PPARGC1A: variants seen among roughly 807,000 people sequenced by gnomAD.
PPARGC1A encodes peroxisome proliferator-activated receptor gamma coactivator 1-alpha.
In PPARGC1A, 25 loss-of-function variants were observed where a neutral mutation model predicts 88.7. The ratio of observed to expected loss-of-function variants is 0.28; its 90% confidence interval spans 0.21 to 0.39. PPARGC1A has a LOEUF of 0.39. Among genes scored for constraint, PPARGC1A ranks in the 10% least tolerant of loss-of-function variants. PPARGC1A has a pLI of 1.00. For missense variants in PPARGC1A, 880 were observed against 968.7 expected (o/e 0.91, Z 1.22); for synonymous variants, 363 against 355.6 (o/e 1.02, Z -0.24).
At position 23,868,657 on chromosome 4, in the gene PPARGC1A, C is replaced by T. The variant is rs568250372; in HGVS notation, c.234+16095G>A. 3.9e-5 allele frequency among the ~76,000 whole-genome samples: 6 copies of T among 152,308 alleles called. No individual in the cohort carries two copies. In the South Asian group the frequency reaches 1.2e-3, roughly 32 times the overall value. ...AAGGCCTTAACGAAAGAAAAAGATG[C>T]TCTTTTGCACATGTGACAACAAAAA... On this transcript the variant is annotated intron_variant, in intron 2 of 12. Transcript: ENST00000264867.
At chr4:24,380,433 T>C in the PPARGC1A span, among the ~76,000 whole-genome samples, 3 of 152,204 alleles carry the variant, frequency 2.0e-5, no homozygotes, top group African/African-American at 7.2e-5. Context: ...AGATGGCACA[T>C]GCCAGATTAT....
the PPARGC1A span, among the ~76,000 whole-genome samples, chr4:24,371,088 T>C: frequency 7.2e-5 from 11 of 152,272 alleles, 1 homozygote; most frequent in African/African-American, 2.4e-4. Flanking sequence ...GCTTCATCTA[T>C]GTCCCCCACA....
At position 23,831,615 on chromosome 4, in the gene PPARGC1A, C is replaced by T; in HGVS notation, c.371G>A (p.Ser124Asn). The T allele has an allele frequency of 2.5e-6, 4 of 1,614,130 alleles. No homozygotes were observed. Among genetic ancestry groups the T allele is most frequent in the Non-Finnish European group, 3.4e-6 (4 of 1,180,012 alleles). ...DGDVTTDNEA[S>N]PSSMPDGTPP... The stretch of plus-strand genomic sequence containing the variant: ...GGTGCCGTCAGGCATGGAGGAAGGA[C>T]TAGCCTCATTGTCAGTGGTCACGTC... Residue 124 changes from serine (S) to asparagine (N), a missense_variant, in exon 3 of 13, where the codon AGT becomes AAT. By Grantham distance (46) the Ser-to-Asn change is conservative. Coordinates refer to ENST00000264867, the MANE Select transcript of PPARGC1A (RefSeq NM_013261.5).
chr4:23,945,792 C>T, the PPARGC1A span, among the ~76,000 whole-genome samples: 1 of 152,122 alleles, frequency 6.6e-6, no homozygotes, highest in Non-Finnish European at 1.5e-5. Flanking sequence ...AAAGCCCTCA[C>T]CAAACCTTGG....
chr4:24,201,469 G>A, the PPARGC1A span, among the ~76,000 whole-genome samples: 19,295 of 152,102 alleles, frequency 0.13, 2,187 homozygotes, highest in African/African-American at 0.3. Context: ...TGATTATTGC[G>A]GCTACTCCCC....
At chr4:24,454,712 T>A in the PPARGC1A span, among the ~76,000 whole-genome samples, 1 of 150,962 alleles carries the variant, frequency 6.6e-6, no homozygotes, top group East Asian at 1.9e-4. Flanking sequence ...CACTCCTAGC[T>A]GGGTGATAGA....
the PPARGC1A span, among the ~76,000 whole-genome samples, chr4:24,278,055 G>A: frequency 6.6e-6 from 1 of 152,056 alleles, no homozygotes; most frequent in East Asian, 1.9e-4. Context: ...CATGCTTGTA[G>A]TCCCAGCTAC....
chr4:24,409,138 G>GT, the PPARGC1A span, among the ~76,000 whole-genome samples: 6 of 152,084 alleles, frequency 3.9e-5, no homozygotes, highest in Admixed American at 3.9e-4. Context: ...ATAAAAAGTT[G>GT]TTTTTTTAAG....
the PPARGC1A span, among the ~76,000 whole-genome samples, chr4:24,471,926 G>T: frequency 1.3e-5 from 2 of 152,212 alleles, no homozygotes; most frequent in Admixed American, 6.5e-5. The surrounding 1 kb of genome is among the most constrained non-coding windows in gnomAD (Gnocchi z 5.4). Flanking sequence ...GTGGAGGGGG[G>T]ACAGCACGTC....
the PPARGC1A span, among the ~76,000 whole-genome samples, chr4:23,944,056 G>A: frequency 1.3e-5 from 2 of 152,184 alleles, no homozygotes; most frequent in East Asian, 1.9e-4. Flanking sequence ...ATAGAAAAAG[G>A]ACATTATAGA....
intron 1 of PPARGC1A, among the ~76,000 whole-genome samples, chr4:23,886,867 AAAAAAAAC>A (rs1235975838): frequency 6.7e-4 from 101 of 151,708 alleles, no homozygotes; most frequent in African/African-American, 2.2e-3. Context: ...AAAAAAAAAA[AAAAAAAAC>A]ATGAACAACA....
the PPARGC1A span, among the ~76,000 whole-genome samples, chr4:23,972,567 T>C: frequency 2.0e-5 from 3 of 152,196 alleles, no homozygotes; most frequent in Non-Finnish European, 4.4e-5. Flanking sequence ...TAAACTAGTA[T>C]CTCTTCAAGT....
the PPARGC1A span, among the ~76,000 whole-genome samples, chr4:23,927,956 T>G: frequency 6.6e-6 from 1 of 152,140 alleles, no homozygotes. Flanking sequence ...ATCTTTTGGT[T>G]ACTAGATCGT....
the PPARGC1A span, among the ~76,000 whole-genome samples, chr4:24,351,824 T>TG: frequency 3.3e-5 from 5 of 152,142 alleles, no homozygotes; most frequent in Middle Eastern, 3.2e-3. Flanking sequence ...TTTGTTTTTT[T>TG]GTTTTTTTTT....
the PPARGC1A span, among the ~76,000 whole-genome samples, chr4:24,321,849 A>T: frequency 2.0e-5 from 3 of 152,252 alleles, no homozygotes; most frequent in Non-Finnish European, 4.4e-5. Flanking sequence ...ACTCAGCAGG[A>T]TGCCTATTAG....
chr4:23,860,310 C>T (rs1731014408), intron 2 of PPARGC1A, among the ~76,000 whole-genome samples: 1 of 110,546 alleles, frequency 9.0e-6, no homozygotes, highest in Non-Finnish European at 1.7e-5. Flanking sequence ...TGATGGTTAC[C>T]AGGGGTGGGG....
At chr4:23,830,663 T>A (rs1267517292) in intron 3 of PPARGC1A, among the ~76,000 whole-genome samples, 1 of 152,218 alleles carries the variant, frequency 6.6e-6, no homozygotes, top group Non-Finnish European at 1.5e-5. Flanking sequence ...CTAAATGGCA[T>A]GCCAAACACG....
the PPARGC1A span, among the ~76,000 whole-genome samples, chr4:24,183,809 A>G: frequency 6.6e-6 from 1 of 152,314 alleles, no homozygotes; most frequent in East Asian, 1.9e-4. Context: ...TTCCTCACGG[A>G]AATTTTTTTT....
chr4:24,456,994 G>A, the PPARGC1A span, among the ~76,000 whole-genome samples: 12 of 152,196 alleles, frequency 7.9e-5, no homozygotes, highest in Non-Finnish European at 1.6e-4. Flanking sequence ...AAGAGGACAT[G>A]AGCCAAGGGA....
Sources: gnomAD v4.1 joint callset for allele counts (sites outside exome capture counted in the v4.1 genomes callset) on GRCh38, gnomAD v4.1.1 for gene constraint, Gnocchi (gnomAD v3.1) non-coding constraint, MANE v1.5 for transcripts, NCBI Gene and HGNC (gene_info 2026-07-23, HGNC 2026-07-21) for gene names.